The following COL4A1 variants were observed in gnomAD, a reference collection of about 807,000 sequenced individuals.
The protein encoded by COL4A1 is collagen alpha-1(IV) chain.
Under a neutral mutation model 216.6 loss-of-function variants are expected in COL4A1, and 40 were observed. The ratio of observed to expected loss-of-function variants is 0.18; its 90% CI spans 0.14 to 0.24. COL4A1 has a LOEUF of 0.24. Among genes scored for constraint, COL4A1 ranks in the 10% least tolerant of loss-of-function variants. COL4A1 has a pLI of 1.00. For missense variants in COL4A1, 1,628 were observed against 2,196.8 expected (o/e 0.74, Z 5.18); for synonymous variants, 839 against 810.7 (o/e 1.03, Z -0.59).
intron 1 of COL4A1, among the ~76,000 whole-genome samples, chr13:110,293,299 G>C (rs2139314386): frequency 6.6e-6 from 1 of 152,356 alleles, no homozygotes; most frequent in East Asian, 1.9e-4. Flanking sequence ...CTGTGGCATT[G>C]CTCTGACCCA....
chr13:110,187,440 C>T, intron 24 of COL4A1, 111 bp from the exon 25 acceptor site: 1 of 1,188,506 alleles, frequency 8.4e-7, no homozygotes, highest in Non-Finnish European at 1.2e-6. Flanking sequence ...TGAAAATGGT[C>T]ATGCATTCAT....
intron 22 of COL4A1, among the ~76,000 whole-genome samples, chr13:110,193,187 C>CTTGGAT (rs1459862363): frequency 6.6e-6 from 1 of 152,232 alleles, no homozygotes; most frequent in Non-Finnish European, 1.5e-5. Context: ...AGTTCTTCTC[C>CTTGGAT]CAGCGAAAAG....
intron 28 of COL4A1, among the ~76,000 whole-genome samples, chr13:110,182,581 G>T (rs985024906): frequency 6.6e-6 from 1 of 152,132 alleles, no homozygotes; most frequent in Non-Finnish European, 1.5e-5. Context: ...CTCTAACACC[G>T]GTAGGACTCC....
In COL4A1 at chr13:110,155,252, C is replaced by T. The variant is rs778987747; in HGVS notation, c.4755+31G>A. Reference sequence around the variant, plus strand: ...TATGGGGCGTGAGTGGGGCTCTTCCCGGGAAATATGGCGTCTCCCCAGACA... The same window carrying T: ...TATGGGGCGTGAGTGGGGCTCTTCCTGGGAAATATGGCGTCTCCCCAGACA... On this transcript the variant is annotated intron_variant, in intron 50 of 51. Transcript: ENST00000375820. The T allele has an allele frequency of 9.7e-6, 15 of 1,552,638 alleles. No individual in the cohort carries two copies. In the African/African-American group the frequency reaches 1.1e-4, roughly 11 times the overall value.
intron 2 of COL4A1, among the ~76,000 whole-genome samples, chr13:110,221,964 C>CA (rs1880501089): frequency 6.6e-6 from 1 of 152,234 alleles, no homozygotes; most frequent in Non-Finnish European, 1.5e-5. Context: ...CATCAAACCA[C>CA]ACCAGCAGAC....
intron 2 of COL4A1, among the ~76,000 whole-genome samples, chr13:110,217,671 A>C (rs889073402): frequency 2.0e-5 from 3 of 152,234 alleles, no homozygotes; most frequent in African/African-American, 7.2e-5. Context: ...AATGCAGAGC[A>C]CTGATCAAAA....
At chr13:110,201,582 T>C in intron 18 of COL4A1, 60 bp from the exon 19 acceptor site, 2 of 1,343,808 alleles carry the variant, frequency 1.5e-6, no homozygotes, top group South Asian at 1.2e-5. Context: ...TCCTGTATAG[T>C]AAAGCAGTAT....
chr13:110,182,219 G>T (rs73611421), intron 28 of COL4A1, among the ~76,000 whole-genome samples: 1 of 152,158 alleles, frequency 6.6e-6, no homozygotes, highest in Non-Finnish European at 1.5e-5. Context: ...GTGGGTGGGC[G>T]TTGCGTGGCT....
chr13:110,220,822 G>A (rs1880444779), intron 2 of COL4A1, among the ~76,000 whole-genome samples: 1 of 152,176 alleles, frequency 6.6e-6, no homozygotes, highest in African/African-American at 2.4e-5. Context: ...TCTGAGGGGT[G>A]GGAGCTGGGC....
chr13:110,255,118 C>T (rs769204520), intron 1 of COL4A1, among the ~76,000 whole-genome samples: 13 of 152,210 alleles, frequency 8.5e-5, no homozygotes, highest in Non-Finnish European at 1.6e-4. Context: ...GCCCAGGTGT[C>T]GGCTTCAGCC....
intron 1 of COL4A1, among the ~76,000 whole-genome samples, chr13:110,258,418 T>C (rs1594097854): frequency 6.6e-6 from 1 of 152,056 alleles, no homozygotes; most frequent in African/African-American, 2.4e-5. Context: ...CGCACGCCTG[T>C]AGTCCCAGAT....
In COL4A1 at chr13:110,202,263, C is replaced by T. The variant is rs1270318109; in HGVS notation, c.1000-741G>A. Among the ~76,000 whole-genome samples, 5 of 149,368 alleles carry T rather than the reference C, an allele frequency of 3.3e-5. No homozygotes were observed. In the East Asian group the frequency reaches 5.9e-4, roughly 18 times the overall value. On this transcript the variant is annotated intron_variant, in intron 18 of 51. Transcript: ENST00000375820. ...TAAAAAAAAAAAAAAAAAAAGTAGG[C>T]GCTTCCTTAAGGTCGCAAGACAAGA...
chr13:110,229,663 CAG>C (rs1880920450), intron 2 of COL4A1, among the ~76,000 whole-genome samples: 2 of 152,184 alleles, frequency 1.3e-5, no homozygotes, highest in African/African-American at 4.8e-5. Context: ...AAAAAGACCC[CAG>C]AGAGAGCCCC....
At chr13:110,253,240 G>T (rs1471684647) in intron 1 of COL4A1, among the ~76,000 whole-genome samples, 1,285 of 108,922 alleles carry the variant, frequency 0.012, 112 homozygotes, top group African/African-American at 0.032. Flanking sequence ...CATATAATTA[G>T]GTATATATAC....
At chr13:110,265,434 T>C (rs1882990577) in intron 1 of COL4A1, 1 of 152,248 alleles carries the variant, frequency 6.6e-6, no homozygotes, top group South Asian at 2.1e-4. Flanking sequence ...CTGTGTGCAG[T>C]CGCATTCATA....
rs139562835 is a variant in COL4A1, at chr13:110,279,481, A to C, written c.84+27463T>G. The stretch of plus-strand genomic sequence containing the variant: ...GCTCCTTGAATGTGCAAACCATATA[A>C]TGTATTTTTTTGCTCAGTTCCCCAT... On this transcript the variant is annotated intron_variant, in intron 1 of 51. Transcript: ENST00000375820. Among the ~76,000 whole-genome samples the C allele has an allele frequency of 2.7e-3, 406 of 152,244 alleles. 1 individual carries two copies. The highest frequency in any genetic ancestry group is 9.2e-3 in the African/African-American group (381 of 41,546).
At chr13:110,182,620 G>A (rs1367715796) in intron 28 of COL4A1, among the ~76,000 whole-genome samples, 2 of 152,138 alleles carry the variant, frequency 1.3e-5, no homozygotes, top group Non-Finnish European at 2.9e-5. Context: ...CCCTCCCTGC[G>A]ACTCCTTGCA....
At chr13:110,227,332 A>AC (rs1252470310) in intron 2 of COL4A1, among the ~76,000 whole-genome samples, 11 of 149,876 alleles carry the variant, frequency 7.3e-5, no homozygotes, top group Non-Finnish European at 1.5e-5. Context: ...ACGTATATGG[A>AC]TTTTTTTTTA....
At chr13:110,183,408 T>C in intron 26 of COL4A1, 132 bp from the exon 27 acceptor site, 3 of 823,974 alleles carry the variant, frequency 3.6e-6, no homozygotes, top group Non-Finnish European at 6.0e-6. Context: ...GCAGAGCCTC[T>C]GCCTGTGTTC....
Sources: allele counts gnomAD v4.1 joint callset (sites outside exome capture counted in the v4.1 genomes callset), GRCh38; gene constraint gnomAD v4.1.1; transcripts MANE v1.5; gene names NCBI Gene and HGNC (gene_info 2026-07-23, HGNC 2026-07-21).